The following STRN variants were observed in gnomAD, a reference collection of about 807,000 sequenced individuals.
The protein encoded by STRN is protein phosphatase 2 regulatory subunit B'''alpha.
Under a neutral mutation model 96.3 loss-of-function variants are expected in STRN, and 53 were observed. That is an observed-to-expected ratio of 0.55 (90% CI 0.44 to 0.69). The LOEUF (loss-of-function observed/expected upper bound fraction) is 0.69, where lower values mean the gene tolerates loss of function less well. Among genes scored for constraint, STRN ranks in the 30% least tolerant of loss-of-function variants. The pLI, the probability that STRN is intolerant of heterozygous loss-of-function variation, is 0.00. For missense variants in STRN, 987 were observed against 963.9 expected (o/e 1.02, Z -0.32); for synonymous variants, 428 against 355.9 (o/e 1.20, Z -2.28).
At chr2:36,955,856 G>T (rs1240187527) in intron 1 of STRN, among the ~76,000 whole-genome samples, 1 of 152,194 alleles carries the variant, frequency 6.6e-6, no homozygotes, top group Non-Finnish European at 1.5e-5. Context: ...TCTTGGGGAT[G>T]AGACCCAAGT....
intron 11 of STRN, among the ~76,000 whole-genome samples, chr2:36,868,768 G>C (rs1179648641): frequency 2.0e-5 from 3 of 152,014 alleles, no homozygotes; most frequent in African/African-American, 7.2e-5. Context: ...TCCTCCATTG[G>C]TAGTAAAATT....
chr2:36,892,129 T>A (rs555001645), intron 7 of STRN, among the ~76,000 whole-genome samples: 1 of 152,312 alleles, frequency 6.6e-6, no homozygotes, highest in African/African-American at 2.4e-5. Context: ...TATATTAGAA[T>A]CTGTATTTAT....
chr2:36,966,283 C>T lies in STRN; in HGVS notation c.181G>A (p.Ala61Thr). ...TGGGCTCTCTCCACCTCGAAGCGGGCCCACTCGTGCTGCAGGAAGTGCAGG... is the reference window on the plus strand; with the variant it reads ...TGGGCTCTCTCCACCTCGAAGCGGGTCCACTCGTGCTGCAGGAAGTGCAGG... ...GILHFLQHEW[A>T]RFEVERAQWE... The change falls in exon 1 of 18, where the codon GCC becomes ACC. Residue 61 changes from alanine (A) to threonine (T), a missense_variant. By Grantham distance (58) the Ala-to-Thr change is moderately conservative. Transcript: ENST00000263918. The T allele has an allele frequency of 1.0e-5, 16 of 1,583,216 alleles. No individual in the cohort carries two copies. The highest frequency in any genetic ancestry group is 1.4e-5 in the Non-Finnish European group (16 of 1,167,142).
intron 15 of STRN, among the ~76,000 whole-genome samples, chr2:36,852,039 G>C (rs1668234534): frequency 6.6e-6 from 1 of 152,144 alleles, no homozygotes; most frequent in African/African-American, 2.4e-5. Flanking sequence ...AACACATCAA[G>C]GTTCAGAAAA....
intron 8 of STRN, among the ~76,000 whole-genome samples, chr2:36,886,266 A>G (rs1276505310): frequency 6.6e-6 from 1 of 152,194 alleles, no homozygotes; most frequent in East Asian, 1.9e-4. Context: ...CATGTTATGA[A>G]CACATAGAAT....
At position 36,846,746 on chromosome 2, in the gene STRN, C is replaced by A. The variant is rs1572616895; in HGVS notation, c.*2710G>T. The A allele has an allele frequency of 6.6e-6, 1 of 151,898 alleles. No individual in the cohort carries two copies. Among genetic ancestry groups the A allele is most frequent in the Non-Finnish European group, 1.5e-5 (1 of 67,984 alleles). The allele number at this position is 151,898 out of a possible 1,614,324, so 9.4% of individuals were successfully genotyped here. On this transcript the variant is annotated 3_prime_UTR_variant, in exon 18 of 18. Transcript: ENST00000263918. ...AAAAATACTGAAGGTCATTATATCA[C>A]TTTTGTTAAATAATCTGTCTATGGT...
rs551391132 is a variant in STRN, at chr2:36,937,975, T to C, written c.235-12767A>G. Among the ~76,000 whole-genome samples, 10 of 152,196 alleles carry C rather than the reference T, an allele frequency of 6.6e-5. No homozygotes were observed. In the East Asian group the frequency reaches 1.7e-3, roughly 26 times the overall value. On this transcript the variant is annotated intron_variant, in intron 1 of 17. Coordinates refer to ENST00000263918, the MANE Select transcript of STRN (RefSeq NM_003162.4). ...TGAAACTAAGTCAATGAAAAGCAAA[T>C]AGGCTATGATCACATATCTAAAGGC...
At chr2:36,930,018 C>A (rs1670529682) in intron 1 of STRN, among the ~76,000 whole-genome samples, 1 of 152,098 alleles carries the variant, frequency 6.6e-6, no homozygotes, top group African/African-American at 2.4e-5. Context: ...TGTCTTAATG[C>A]CTTCTATAAA....
intron 1 of STRN, among the ~76,000 whole-genome samples, chr2:36,938,202 G>A (rs1174860073): frequency 6.6e-6 from 1 of 152,082 alleles, no homozygotes; most frequent in Non-Finnish European, 1.5e-5. Flanking sequence ...GAGGCGGGTG[G>A]ATCACCTGAG....
chr2:36,838,575 T>G lies in STRN; in HGVS notation c.*10881A>C, dbSNP rs2148106471. 6.6e-6 allele frequency among the ~76,000 whole-genome samples: 1 copy of G among 152,324 alleles called. No individual in the cohort carries two copies. Among genetic ancestry groups the G allele is most frequent in the African/African-American group, 2.4e-5 (1 of 41,572 alleles). ...GTATTTTTTAATGTTACAATAGTTA[T>G]TGCCATGAGTATTAAGGGAAAAGTG... On this transcript the variant is annotated 3_prime_UTR_variant, in exon 18 of 18. Transcript: ENST00000263918.
At chr2:36,922,712 C>G (rs1164496518) in intron 2 of STRN, among the ~76,000 whole-genome samples, 2 of 152,104 alleles carry the variant, frequency 1.3e-5, no homozygotes, top group African/African-American at 4.8e-5. Context: ...TCTGAACACA[C>G]CAAACTGCTT....
intron 6 of STRN, among the ~76,000 whole-genome samples, chr2:36,897,505 A>G (rs1207582978): frequency 2.0e-5 from 3 of 151,258 alleles, no homozygotes; most frequent in Admixed American, 6.6e-5. Context: ...GCGCAATCTC[A>G]GCTCACTGCA....
intron 3 of STRN, 47 bp from the exon 4 acceptor site, chr2:36,905,665 G>A: frequency 6.7e-7 from 1 of 1,499,314 alleles, no homozygotes; most frequent in South Asian, 1.1e-5. Context: ...TTACGTATTA[G>A]AGGGCATCTT....
rs146874014 is a variant in STRN, at chr2:36,914,017, C to A, written c.412+2061G>T. Among the ~76,000 whole-genome samples the A allele has an allele frequency of 7.2e-3, 1,099 of 152,178 alleles. 15 individuals are homozygous for A. Among genetic ancestry groups the A allele is most frequent in the African/African-American group, 0.025 (1,051 of 41,504 alleles). On this transcript the variant is annotated intron_variant, in intron 3 of 17. Coordinates refer to ENST00000263918, the MANE Select transcript of STRN (RefSeq NM_003162.4). ...TTTTTTTTTAAGAGACAGGATCTCA[C>A]TCTGTCACTCAGGCTAGAGTGCAGT...
At chr2:36,893,056 A>C (rs965820198) in intron 7 of STRN, among the ~76,000 whole-genome samples, 41 of 151,964 alleles carry the variant, frequency 2.7e-4, no homozygotes, top group African/African-American at 8.9e-4. Context: ...TGACAGAGTG[A>C]GACTCGGTAT....
intron 2 of STRN, among the ~76,000 whole-genome samples, chr2:36,922,674 T>A (rs548731612): frequency 6.6e-6 from 1 of 152,166 alleles, no homozygotes; most frequent in Non-Finnish European, 1.5e-5. Flanking sequence ...ACCAACATCC[T>A]ACTCTCCACA....
chr2:36,942,586 A>G (rs974979337), intron 1 of STRN, among the ~76,000 whole-genome samples: 1 of 152,246 alleles, frequency 6.6e-6, no homozygotes, highest in Admixed American at 6.5e-5. Context: ...CAGGTCAAAT[A>G]TAACTATTTC....
chr2:36,919,739 T>C (rs1176210709), intron 2 of STRN, among the ~76,000 whole-genome samples: 1 of 152,202 alleles, frequency 6.6e-6, no homozygotes, highest in Non-Finnish European at 1.5e-5. Context: ...ACAGTTAAGT[T>C]ACTACAGTAG....
chr2:36,855,403 A>C, intron 14 of STRN, 51 bp from the exon 15 acceptor site: 2 of 1,597,124 alleles, frequency 1.3e-6, no homozygotes, highest in Non-Finnish European at 1.7e-6. Context: ...TCTACTTGAC[A>C]ATCTGCTTAA....
Sources: allele counts gnomAD v4.1 joint callset (sites outside exome capture counted in the v4.1 genomes callset), GRCh38; gene constraint gnomAD v4.1.1; transcripts MANE v1.5; gene names NCBI Gene and HGNC (gene_info 2026-07-23, HGNC 2026-07-21).